Variants in NRDE2 observed in about 807,000 individuals in gnomAD.
NRDE2 encodes the protein nuclear exosome regulator NRDE2.
A neutral mutation model predicts 124.2 loss-of-function variants in NRDE2; 76 were observed. The observed-to-expected ratio is 0.61, with a 90% CI of 0.51 to 0.74. The LOEUF (loss-of-function observed/expected upper bound fraction) is 0.74. Ranked by LOEUF, NRDE2 falls within the 30% of genes least tolerant of loss-of-function variation. The pLI is 0.00. For missense variants in NRDE2, 1,314 were observed against 1,417.3 expected, an observed-to-expected ratio of 0.93 and a Z score of 1.17; for synonymous variants, 489 against 528.1, an observed-to-expected ratio of 0.93 and a Z score of 1.01.
intron 13 of NRDE2, 123 bp downstream of exon 13, chr14:90,278,939 G>A (rs1365291753): frequency 8.1e-6 from 6 of 736,498 alleles, no homozygotes; most frequent in South Asian, 1.6e-5. Flanking sequence ...CTTGGGACAG[G>A]GTATGGCGTC....
intron 3 of NRDE2, among the ~76,000 whole-genome samples, chr14:90,316,290 A>T (rs923581097): frequency 1.5e-4 from 23 of 152,156 alleles, no homozygotes; most frequent in Non-Finnish European, 5.9e-5. Flanking sequence ...CTATGTGATA[A>T]CGGCACTGAC....
At chr14:90,290,748 T>TAA in intron 9 of NRDE2, 141 bp from the exon 10 acceptor site, 1 of 1,088,468 alleles carries the variant, frequency 9.2e-7, no homozygotes, top group Non-Finnish European at 1.3e-6. Flanking sequence ...CTAAGCTCTC[T>TAA]GTTAGCACAA....
At chr14:90,309,680 A>G (rs1884757144) in intron 4 of NRDE2, among the ~76,000 whole-genome samples, 1 of 152,188 alleles carries the variant, frequency 6.6e-6, no homozygotes, top group South Asian at 2.1e-4. Flanking sequence ...CTGGTGCCAT[A>G]GTATTGACTT....
intron 7 of NRDE2, among the ~76,000 whole-genome samples, chr14:90,301,015 C>G (rs1595065326): frequency 6.7e-6 from 1 of 150,080 alleles, no homozygotes; most frequent in South Asian, 2.1e-4. Context: ...AGCTTCTTTA[C>G]CTATCCACAT....
chr14:90,294,749 T>C (rs914075133), intron 8 of NRDE2, among the ~76,000 whole-genome samples: 9 of 152,126 alleles, frequency 5.9e-5, no homozygotes, highest in Non-Finnish European at 8.8e-5. Context: ...CAGAGGTCGA[T>C]AGAGGTGATG....
In NRDE2 at chr14:90,278,270, G is replaced by A. The variant is rs1444263852; in HGVS notation, c.*66C>T. On this transcript the variant is annotated 3_prime_UTR_variant, in exon 14 of 14. Transcript: ENST00000354366. Reference sequence around the variant, plus strand: ...CTCCTAACACACACGTTCTCTGCTCGCGCCTCCTAGCTCCGCAGGGTGGGC... The same window carrying A: ...CTCCTAACACACACGTTCTCTGCTCACGCCTCCTAGCTCCGCAGGGTGGGC... The A allele has an allele frequency of 3.9e-5, 63 of 1,594,948 alleles. No individual in the cohort carries two copies. Among genetic ancestry groups the A allele is most frequent in the South Asian group, 2.3e-4 (21 of 90,342 alleles).
intron 13 of NRDE2, chr14:90,278,838 C>T (rs558416530): frequency 1.1e-4 from 66 of 595,050 alleles, no homozygotes; most frequent in African/African-American, 9.8e-4. Flanking sequence ...CAGCTACCCA[C>T]GGCAACACTT....
intron 10 of NRDE2, 34 bp downstream of exon 10, chr14:90,290,187 G>A (rs1892232010): frequency 1.9e-6 from 3 of 1,596,524 alleles, no homozygotes; most frequent in African/African-American, 1.3e-5. Flanking sequence ...GAAATGAAAA[G>A]TCCCCAAACA....
At chr14:90,317,502 C>A (rs921530987) in intron 2 of NRDE2, among the ~76,000 whole-genome samples, 1 of 152,166 alleles carries the variant, frequency 6.6e-6, no homozygotes, top group African/African-American at 2.4e-5. Flanking sequence ...GTTTCACAAC[C>A]TATTCACCCT....
chr14:90,314,898 G>A (rs116239698), intron 3 of NRDE2, among the ~76,000 whole-genome samples: 1,645 of 151,862 alleles, frequency 0.011, 11 homozygotes, highest in Middle Eastern at 0.02. Flanking sequence ...GGCTGGGTGC[G>A]GTGGCTCATG....
Position 90,289,000 on chromosome 14 carries a change from A to G in NRDE2, c.2375T>C (p.Leu792Ser), listed in dbSNP as rs371042690. The change falls in exon 11 of 14, where the codon TTG (leucine) becomes TCG (serine). Residue 792 changes from leucine (L) to serine (S), a missense_variant. Coordinates refer to ENST00000354366, the MANE Select transcript of NRDE2 (RefSeq NM_017970.4). ...LWKQYAHLEW[L>S]LGNTEDARKV... ...TCTGGCATCCTCCGTGTTGCCAAGC[A>G]ACCACTCCAGATGTGCATACTGCTT... The G allele has an allele frequency of 3.7e-6, 6 of 1,613,628 alleles. No individual in the cohort carries two copies. Among genetic ancestry groups the G allele is most frequent in the Non-Finnish European group, 4.2e-6 (5 of 1,179,524 alleles).
intron 1 of NRDE2, among the ~76,000 whole-genome samples, chr14:90,318,673 G>A (rs755699399): frequency 4.6e-5 from 7 of 152,072 alleles, no homozygotes; most frequent in Non-Finnish European, 7.4e-5. Flanking sequence ...GGTAGCACAC[G>A]CCTGTAATCC....
chr14:90,282,704 G>T, intron 12 of NRDE2, among the ~76,000 whole-genome samples: 1 of 150,860 alleles, frequency 6.6e-6, no homozygotes, highest in Non-Finnish European at 1.5e-5. Context: ...TTTCACTCTT[G>T]TTGCCTAGAC....
chr14:90,279,389 A>G (rs778709913), intron 12 of NRDE2: 218 of 412,402 alleles, frequency 5.3e-4, no homozygotes, highest in Non-Finnish European at 8.2e-4. Flanking sequence ...CTGACTTTTT[A>G]AAGTCTCAGA....
At chr14:90,297,842 G>A (rs1884234168) in intron 8 of NRDE2, among the ~76,000 whole-genome samples, 1 of 151,486 alleles carries the variant, frequency 6.6e-6, no homozygotes, top group South Asian at 2.1e-4. Context: ...TCAGGAGCCT[G>A]ACGCATGAGA....
chr14:90,326,926 T>C (rs1014472587), intron 1 of NRDE2, among the ~76,000 whole-genome samples: 14 of 152,360 alleles, frequency 9.2e-5, no homozygotes, highest in South Asian at 2.1e-4. Flanking sequence ...TTAATACTGT[T>C]ATTTTGAACA....
At chr14:90,303,379 G>A (rs1419669148) in intron 5 of NRDE2, among the ~76,000 whole-genome samples, 1 of 152,208 alleles carries the variant, frequency 6.6e-6, no homozygotes, top group African/African-American at 2.4e-5. Context: ...AGCATACAAT[G>A]CCTTGAAAGT....
chr14:90,284,866 ACT>A (rs1892056989), intron 12 of NRDE2, among the ~76,000 whole-genome samples: 1 of 152,056 alleles, frequency 6.6e-6, no homozygotes, highest in Non-Finnish European at 1.5e-5. Context: ...CAATTCATAG[ACT>A]CTATTAAGCC....
chr14:90,289,258 T>C (rs1892204893), intron 10 of NRDE2, 113 bp from the exon 11 acceptor site: 6 of 841,250 alleles, frequency 7.1e-6, no homozygotes, highest in Middle Eastern at 2.6e-4. Context: ...CCTCCCTTTA[T>C]CACGGGTCTG....
Sources: allele counts gnomAD v4.1 joint callset (sites outside exome capture counted in the v4.1 genomes callset), GRCh38; gene constraint gnomAD v4.1.1; transcripts MANE v1.5; gene names NCBI Gene and HGNC (gene_info 2026-07-23, HGNC 2026-07-21).